LAMA1: variants seen among roughly 807,000 people sequenced by gnomAD.
The protein encoded by LAMA1 is laminin subunit alpha-1.
LAMA1 carries 219 observed loss-of-function variants against 348.7 expected under a neutral mutation model. That is an observed-to-expected ratio of 0.63 (90% confidence interval 0.56 to 0.70). The LOEUF is 0.70. Ranked by LOEUF, LAMA1 falls within the 30% of genes least tolerant of loss-of-function variation. The probability of loss-of-function intolerance (pLI) is 0.00; values close to 1 mark genes in which losing one functional copy is unlikely to be tolerated. For missense variants in LAMA1, 3,744 were observed against 3,888.0 expected (o/e 0.96, Z 0.99); for synonymous variants, 1,487 against 1,491.0 (o/e 1.00, Z 0.06).
chr18:6,947,146 G>C lies in LAMA1; in HGVS notation c.8844+17C>G. 6.2e-7 allele frequency: 1 copy of C among 1,614,148 alleles called. No homozygotes were observed. The highest frequency in any genetic ancestry group is 8.5e-7 in the Non-Finnish European group (1 of 1,180,022). ...ACACTGGGGGGAGGAAGACCCTCATGGAGAGGAAGCACCCACCTTGCCGTC... is the reference window on the plus strand; with the variant it reads ...ACACTGGGGGGAGGAAGACCCTCATCGAGAGGAAGCACCCACCTTGCCGTC... On this transcript the variant is annotated intron_variant, in intron 61 of 62. Transcript: ENST00000389658.
At chr18:7,089,633 A>G (rs1484847113) in intron 1 of LAMA1, among the ~76,000 whole-genome samples, 2 of 152,256 alleles carry the variant, frequency 1.3e-5, no homozygotes, top group African/African-American at 4.8e-5. Context: ...CCGGTCCTCA[A>G]TAAACCCCCT....
intron 36 of LAMA1, among the ~76,000 whole-genome samples, chr18:6,989,533 T>A (rs568246382): frequency 1.3e-5 from 2 of 152,330 alleles, no homozygotes; most frequent in East Asian, 1.9e-4. Context: ...TGAAATGGCA[T>A]ATATATAGGG....
rs1253990747 is a variant in LAMA1, at chr18:6,949,341, C to A, written c.8398-82G>T. The A allele has an allele frequency of 6.8e-6, 9 of 1,331,932 alleles. No individual in the cohort carries two copies. The Admixed American group carries it at 1.2e-4, about 18-fold the overall frequency. 82.5% of individuals were successfully genotyped at this position (1,331,932 alleles called of 1,614,324 possible). Reference sequence around the variant, plus strand: ...GATGTATAAACTTTAACAGATGCAACATCTGTTTCTGAGAGCTATAACAAC... The same window carrying A: ...GATGTATAAACTTTAACAGATGCAAAATCTGTTTCTGAGAGCTATAACAAC... On this transcript the variant is annotated intron_variant, in intron 58 of 62. Transcript: ENST00000389658.
Position 7,046,339 on chromosome 18 carries a change from A to G in LAMA1, c.797T>C (p.Val266Ala). 1 of 1,609,412 alleles carries G rather than the reference A, an allele frequency of 6.2e-7. No individual in the cohort carries two copies. Among genetic ancestry groups the G allele is most frequent in the Non-Finnish European group, 8.5e-7 (1 of 1,176,710 alleles). ...GCCATAGCAGATACACATGCCTCCAACAGAAATGTCCTTTATTGAATAATA... is the reference window on the plus strand; with the variant it reads ...GCCATAGCAGATACACATGCCTCCAGCAGAAATGTCCTTTATTGAATAATA... ...RYYYSIKDIS[V>A]GGMCICYGHA... Residue 266 changes from valine to alanine, a missense_variant, in exon 6 of 63, where the codon GTT becomes GCT. Val to Ala is a moderately conservative substitution (Grantham distance 64). Transcript: ENST00000389658.
intron 15 of LAMA1, 26 bp downstream of exon 15, chr18:7,032,956 GAA>G (rs770511960): frequency 3.9e-6 from 6 of 1,533,322 alleles, no homozygotes; most frequent in Non-Finnish European, 5.4e-6. Flanking sequence ...GGAACGAAAG[GAA>G]AAAGACAGGA....
intron 3 of LAMA1, among the ~76,000 whole-genome samples, chr18:7,078,133 C>T (rs1426109887): frequency 4.4e-5 from 5 of 113,374 alleles, no homozygotes; most frequent in African/African-American, 1.2e-4. Context: ...GCTCTTTTCT[C>T]TTTTTATTTT....
chr18:7,085,864 C>G (rs1313243311), intron 1 of LAMA1, among the ~76,000 whole-genome samples: 1 of 152,158 alleles, frequency 6.6e-6, no homozygotes, highest in Non-Finnish European at 1.5e-5. Context: ...AACAGCACCT[C>G]TAACAACTAC....
chr18:7,032,448 G>A lies in LAMA1; in HGVS notation c.2164-272C>T, dbSNP rs367925197. ...GTAATGGTTGTGCAATGAGTCTTAC[G>A]GCCTATTCTTGTTATGGTATTAATA... On this transcript the variant is annotated intron_variant, in intron 15 of 62. Transcript: ENST00000389658. Among the ~76,000 whole-genome samples, 30 of 152,172 alleles carry A rather than the reference G, an allele frequency of 2.0e-4. 1 individual carries two copies. Among genetic ancestry groups the A allele is most frequent in the East Asian group, 9.7e-4 (5 of 5,168 alleles).
rs752266248 is a variant in LAMA1, at chr18:6,985,647, C to T, written c.5380-4G>A. On this transcript the variant is annotated splice_polypyrimidine_tract_variant and splice_region_variant and intron_variant, in intron 37 of 62. Transcript: ENST00000389658. ...CTTGAACATGCAGCTTTTTATCCTG[C>T]AGCAGAAACGGCATTTTAAGGGTGC... is the stretch of plus-strand genomic sequence containing the variant. 2 of 1,606,234 alleles carry T rather than the reference C, an allele frequency of 1.2e-6. No homozygotes were observed. Among genetic ancestry groups the T allele is most frequent in the East Asian group, 2.2e-5 (1 of 44,810 alleles).
In LAMA1 at chr18:7,002,398, A is replaced by G; in HGVS notation, c.4261-13T>C. The G allele has an allele frequency of 6.2e-7, 1 of 1,611,464 alleles. No homozygotes were observed. Among genetic ancestry groups the G allele is most frequent in the South Asian group, 1.1e-5 (1 of 91,038 alleles). ...TATCGCCACAGTTCTGGGAGCCCAC[A>G]TTTAAAGGAAGGGGGAAAAAATGGG... On this transcript the variant is annotated splice_polypyrimidine_tract_variant and intron_variant, in intron 29 of 62. Coordinates refer to ENST00000389658, the MANE Select transcript of LAMA1 (RefSeq NM_005559.4).
chr18:7,029,817 C>G (rs1388017587), intron 16 of LAMA1, among the ~76,000 whole-genome samples: 11 of 151,976 alleles, frequency 7.2e-5, no homozygotes, highest in Non-Finnish European at 1.5e-4. Flanking sequence ...TAAGAGAGCT[C>G]AGAGAGAAAA....
chr18:7,015,999 C>T, intron 21 of LAMA1, 141 bp from the exon 22 acceptor site: 6 of 981,144 alleles, frequency 6.1e-6, no homozygotes, highest in East Asian at 2.6e-5. Flanking sequence ...CCCAAGACCC[C>T]TCCATGTCTC....
intron 28 of LAMA1, among the ~76,000 whole-genome samples, chr18:7,007,875 A>T (rs1396415949): frequency 6.6e-6 from 1 of 152,186 alleles, no homozygotes; most frequent in African/African-American, 2.4e-5. Flanking sequence ...TAAGTGAAAC[A>T]AGCCATTCGC....
chr18:6,951,457 T>G (rs1046595575), intron 57 of LAMA1, among the ~76,000 whole-genome samples: 2 of 152,108 alleles, frequency 1.3e-5, no homozygotes, highest in Admixed American at 1.3e-4. Context: ...TGCGCCTGGG[T>G]AGGCCCTGTC....
chr18:7,061,619 G>T lies in LAMA1; in HGVS notation c.346-10683C>A, dbSNP rs1450105502. Reference sequence around the variant, plus strand: ...TTCTCCAAAATGCAGTTCCCCATTTGTTCATGTTGGGACAGTGGTGGCAAT... The same window carrying T: ...TTCTCCAAAATGCAGTTCCCCATTTTTTCATGTTGGGACAGTGGTGGCAAT... On this transcript the variant is annotated intron_variant, in intron 3 of 62. Transcript: ENST00000389658. Among the ~76,000 whole-genome samples the T allele has an allele frequency of 2.6e-5, 4 of 152,184 alleles. No homozygotes were observed. In the East Asian group the frequency reaches 5.8e-4, roughly 22 times the overall value.
At chr18:6,975,200 C>G (rs1426569750) in intron 45 of LAMA1, among the ~76,000 whole-genome samples, 164 bp from the exon 46 acceptor site, 1 of 152,180 alleles carries the variant, frequency 6.6e-6, no homozygotes, top group Non-Finnish European at 1.5e-5. Context: ...GAAATGGTCC[C>G]TTCCCTGGAG....
Position 6,993,751 on chromosome 18 carries a change from AG to A in LAMA1, c.4897del (p.Leu1633SerfsTer5). The part of the protein sequence containing the change: ...AEETDNLQKK[L>X]TRMLASTQKV... ...TTGGGTACTCGCTAACATCCTAGTG[AG>A]CTGGTGGAAAAATAAAGTCTCAGGT... On this transcript the variant is annotated frameshift_variant and splice_region_variant, in exon 35 of 63. Transcript: ENST00000389658. LOFTEE classifies it high-confidence loss of function. 6.3e-7 allele frequency: 1 copy of A among 1,580,658 alleles called. No homozygotes were observed. Among genetic ancestry groups the A allele is most frequent in the South Asian group, 1.1e-5 (1 of 90,480 alleles).
At chr18:7,087,552 T>C (rs1268821211) in intron 1 of LAMA1, among the ~76,000 whole-genome samples, 3 of 152,236 alleles carry the variant, frequency 2.0e-5, no homozygotes, top group Non-Finnish European at 4.4e-5. Context: ...TTCAAGACAG[T>C]AAATTCTATT....
chr18:6,990,879 G>A (rs1568021076), intron 36 of LAMA1, among the ~76,000 whole-genome samples: 2 of 152,002 alleles, frequency 1.3e-5, no homozygotes, highest in Non-Finnish European at 2.9e-5. Context: ...ATATTGTCCC[G>A]GGGGCTTAAC....
Sources: gnomAD v4.1 joint callset for allele counts (sites outside exome capture counted in the v4.1 genomes callset) on GRCh38, gnomAD v4.1.1 for gene constraint, MANE v1.5 for transcripts, NCBI Gene and HGNC (gene_info 2026-07-23, HGNC 2026-07-21) for gene names.